Variants in ZNF705G observed in about 807,000 individuals in gnomAD.
The protein encoded by ZNF705G is putative zinc finger protein 705G.
A neutral mutation model predicts 19.6 loss-of-function variants in ZNF705G; 23 were observed. The ratio of observed to expected loss-of-function variants is 1.17; its 90% CI spans 0.84 to 1.66. The LOEUF is 1.66. Among genes scored for constraint, ZNF705G ranks in the 40% most tolerant of loss-of-function variants. ZNF705G has a pLI of 0.00. For missense variants in ZNF705G, 457 were observed against 354.4 expected, an observed-to-expected ratio of 1.29 and a Z score of -2.32; for synonymous variants, 146 against 117.7, an observed-to-expected ratio of 1.24 and a Z score of -1.56.
chr8:7,368,347 G>C (rs566958763), intron 2 of ZNF705G, among the ~76,000 whole-genome samples: 1 of 149,532 alleles, frequency 6.7e-6, no homozygotes, highest in East Asian at 1.9e-4. Flanking sequence ...ATATGTACTA[G>C]AAAGCATTCG....
At position 7,380,552 on chromosome 8, in the gene ZNF705G, A is replaced by T. The variant is rs563935090; in HGVS notation, c.-72+900T>A. ...CTGTCACCAGTGCCCACATATTTGC[A>T]CCAGGTGAAAGCCTGAGGACTACTC... On this transcript the variant is annotated intron_variant, in intron 2 of 6. Coordinates refer to ENST00000400156, the MANE Select transcript of ZNF705G (RefSeq NM_001164457.3). Among the ~76,000 whole-genome samples, 29 of 147,346 alleles carry T rather than the reference A, an allele frequency of 2.0e-4. 7 individuals are homozygous for T. Among genetic ancestry groups the T allele is most frequent in the African/African-American group, 7.6e-4 (28 of 36,854 alleles).
intron 2 of ZNF705G, among the ~76,000 whole-genome samples, chr8:7,380,071 A>T (rs28624344): frequency 0.99 from 138,608 of 139,396 alleles, 68,932 homozygotes; most frequent in Middle Eastern, 1. Context: ...GGGAACTGGC[A>T]GTGCCATTCA....
intron 2 of ZNF705G, among the ~76,000 whole-genome samples, chr8:7,375,571 T>C (rs1402246669): frequency 1.1e-5 from 1 of 93,638 alleles, no homozygotes; most frequent in African/African-American, 5.0e-5. Context: ...CAAATGTTAG[T>C]TCTGTATTAA....
At chr8:7,367,671 C>T (rs1373923875) in intron 2 of ZNF705G, among the ~76,000 whole-genome samples, 2 of 149,632 alleles carry the variant, frequency 1.3e-5, no homozygotes, top group Non-Finnish European at 2.9e-5. Context: ...GACCTTCAGG[C>T]ATCTGCTCGG....
intron 1 of ZNF705G, among the ~76,000 whole-genome samples, chr8:7,383,753 C>T (rs1372246974): frequency 1.3e-5 from 2 of 149,322 alleles, no homozygotes; most frequent in Admixed American, 6.6e-5. Flanking sequence ...CCTTTCACCA[C>T]ATAACAACAC....
intron 2 of ZNF705G, among the ~76,000 whole-genome samples, chr8:7,364,132 C>T (rs1457127243): frequency 2.0e-5 from 3 of 149,472 alleles, no homozygotes; most frequent in Non-Finnish European, 4.4e-5. Flanking sequence ...CTCTGATTAT[C>T]ATGATACATA....
At position 7,360,506 on chromosome 8, in the gene ZNF705G, A is replaced by T. The variant is rs191704324; in HGVS notation, c.140-174T>A. 5.4e-5 allele frequency among the ~76,000 whole-genome samples: 8 copies of T among 149,458 alleles called. No homozygotes were observed. In the East Asian group the frequency reaches 1.5e-3, roughly 29 times the overall value. On this transcript the variant is annotated intron_variant, in intron 4 of 6. Transcript: ENST00000400156. ...TTTTCTGACCCAATATGAGACTACA[A>T]AATAAATCCAAACCAAAGGTCCATC...
chr8:7,359,304 C>T (rs1806455839), intron 6 of ZNF705G, among the ~76,000 whole-genome samples: 1 of 149,650 alleles, frequency 6.7e-6, no homozygotes, highest in Non-Finnish European at 1.5e-5. Context: ...CACATTATCT[C>T]CTGCAGACAC....
intron 6 of ZNF705G, among the ~76,000 whole-genome samples, chr8:7,358,764 C>T (rs748573502): frequency 6.7e-6 from 1 of 149,450 alleles, no homozygotes; most frequent in African/African-American, 2.6e-5. Flanking sequence ...AACTGGGTCA[C>T]ACAAACCTGC....
intron 2 of ZNF705G, among the ~76,000 whole-genome samples, chr8:7,364,387 T>C (rs978799128): frequency 2.0e-5 from 3 of 149,784 alleles, no homozygotes; most frequent in African/African-American, 7.7e-5. Flanking sequence ...AGTAACTTTG[T>C]ATTAATTGTG....
Position 7,374,961 on chromosome 8 carries a change from C to T in ZNF705G, c.-72+6491G>A, listed in dbSNP as rs1436160801. Among the ~76,000 whole-genome samples, 11 of 94,556 alleles carry T rather than the reference C, an allele frequency of 1.2e-4. 3 individuals are homozygous for T. Among genetic ancestry groups the T allele is most frequent in the African/African-American group, 5.4e-4 (11 of 20,510 alleles). 62.0% of individuals were successfully genotyped at this position (94,556 alleles called of 152,430 possible). ...AAGATTTTTAAAATCCCTAATGTTA[C>T]TTGAATTCTTACAAATGAACAATGG... On this transcript the variant is annotated intron_variant, in intron 2 of 6. Transcript: ENST00000400156.
At chr8:7,361,750 G>A (rs553337356) in intron 3 of ZNF705G, among the ~76,000 whole-genome samples, 1 of 149,528 alleles carries the variant, frequency 6.7e-6, no homozygotes, top group South Asian at 2.1e-4. Context: ...TAGAAAACGT[G>A]TTTCCTATCT....
At chr8:7,366,255 T>C (rs1585416638) in intron 2 of ZNF705G, among the ~76,000 whole-genome samples, 1 of 148,890 alleles carries the variant, frequency 6.7e-6, no homozygotes, top group East Asian at 1.9e-4. Flanking sequence ...GCTTCCAACA[T>C]CCAATATATT....
chr8:7,360,829 A>T (rs2128836277), intron 4 of ZNF705G, among the ~76,000 whole-genome samples: 1 of 149,664 alleles, frequency 6.7e-6, no homozygotes, highest in Non-Finnish European at 1.5e-5. Flanking sequence ...AACATTCATT[A>T]AGTTCCCAGG....
rs1585410290 is a variant in ZNF705G, at chr8:7,361,225, A to T, written c.24T>A (p.Thr8=). The change falls in exon 4 of 7, where the codon ACT becomes ACA. Residue 8 remains threonine (T), a synonymous_variant. Coordinates refer to ENST00000400156, the MANE Select transcript of ZNF705G (RefSeq NM_001164457.3). The part of the protein sequence containing the change: MHSLKKL[T]FEDVAIDFTQ... ...TGAAGTCAATAGCTACATCTTCAAA[A>T]GTCAGTTTCTTCTAAAACATCACAG... 4 of 1,592,552 alleles carry T rather than the reference A, an allele frequency of 2.5e-6. No individual in the cohort carries two copies. The highest frequency in any genetic ancestry group is 4.5e-5 in the East Asian group (2 of 44,864).
In ZNF705G at chr8:7,356,727, A is replaced by C. The variant is rs1456111715; in HGVS notation, c.*1249T>G. ...GAATCTCGACCAAGAATCTCACCCAAGGAGTGCAGGTGCAAATCCATTTGT... is the reference window on the plus strand; with the variant it reads ...GAATCTCGACCAAGAATCTCACCCACGGAGTGCAGGTGCAAATCCATTTGT... On this transcript the variant is annotated 3_prime_UTR_variant, in exon 7 of 7. Coordinates refer to ENST00000400156, the MANE Select transcript of ZNF705G (RefSeq NM_001164457.3). 2 of 149,756 alleles carry C rather than the reference A, an allele frequency of 1.3e-5. No homozygotes were observed. Among genetic ancestry groups the C allele is most frequent in the African/African-American group, 5.1e-5 (2 of 39,088 alleles). The allele number at this position is 149,756 out of a possible 1,614,324, so 9.3% of individuals were successfully genotyped here. A position where few individuals can be genotyped will look rare whatever the true frequency, so the allele number is the denominator to read the frequency against.
chr8:7,358,710 T>G lies in ZNF705G; in HGVS notation c.319-150A>C, dbSNP rs529202929. 1.9e-4 allele frequency: 269 copies of G among 1,385,458 alleles called. 13 individuals are homozygous for G. The African/African-American group carries it at 2.4e-3, about 12-fold the overall frequency. 85.8% of individuals were successfully genotyped at this position (1,385,458 alleles called of 1,614,324 possible). On this transcript the variant is annotated intron_variant, in intron 6 of 6. Coordinates refer to ENST00000400156, the MANE Select transcript of ZNF705G (RefSeq NM_001164457.3). ...TCTTGTGTGAAAGGAAATTAAATTTTGGGACCCCAAACTCATTTAACCAAA... is the reference window on the plus strand; with the variant it reads ...TCTTGTGTGAAAGGAAATTAAATTTGGGGACCCCAAACTCATTTAACCAAA...
At chr8:7,363,960 G>C (rs556251334) in intron 2 of ZNF705G, among the ~76,000 whole-genome samples, 1 of 149,646 alleles carries the variant, frequency 6.7e-6, no homozygotes, top group East Asian at 1.9e-4. Flanking sequence ...GAGTCATGGT[G>C]TTTCTCTCCT....
rs1806301605 is a variant in ZNF705G, at chr8:7,356,997, T to A, written c.*979A>T. 1 of 149,850 alleles carries A rather than the reference T, an allele frequency of 6.7e-6. No homozygotes were observed. Among genetic ancestry groups the A allele is most frequent in the African/African-American group, 2.6e-5 (1 of 39,200 alleles). 9.3% of individuals were successfully genotyped at this position (149,850 alleles called of 1,614,324 possible). A position where few individuals can be genotyped will look rare whatever the true frequency, so the allele number is the denominator to read the frequency against. On this transcript the variant is annotated 3_prime_UTR_variant, in exon 7 of 7. Coordinates refer to ENST00000400156, the MANE Select transcript of ZNF705G (RefSeq NM_001164457.3). ...TGCTAAAGTATGTGTTAAGAGTTTT[T>A]TCTAGGGGTCCAACTTCTTGACTCA...
Sources: gnomAD v4.1 joint callset for allele counts (sites outside exome capture counted in the v4.1 genomes callset) on GRCh38, gnomAD v4.1.1 for gene constraint, MANE v1.5 for transcripts, NCBI Gene and HGNC (gene_info 2026-07-23, HGNC 2026-07-21) for gene names.